Variants in LPIN3 observed in about 807,000 individuals in gnomAD.
LPIN3 encodes lipin 3.
Under a neutral mutation model 94.7 loss-of-function variants are expected in LPIN3, and 82 were observed. The ratio of observed to expected loss-of-function variants is 0.87; its 90% CI spans 0.72 to 1.04. LPIN3 has a LOEUF of 1.04. Among genes scored for constraint, LPIN3 ranks in the 50% least tolerant of loss-of-function variants. The pLI, the probability that LPIN3 is intolerant of heterozygous loss-of-function variation, is 0.00. For missense variants in LPIN3, 996 were observed against 1,090.5 expected (o/e 0.91, Z 1.22); for synonymous variants, 418 against 443.3 (o/e 0.94, Z 0.72).
intron 14 of LPIN3, 48 bp from the exon 15 acceptor site, chr20:41,356,992 T>C: frequency 1.9e-6 from 3 of 1,592,734 alleles, no homozygotes; most frequent in Non-Finnish European, 2.6e-6. Flanking sequence ...AGGTAGGCAG[T>C]GCCTGGCTGT....
chr20:41,351,406 C>G (rs1458057099), intron 7 of LPIN3, among the ~76,000 whole-genome samples: 3 of 150,726 alleles, frequency 2.0e-5, no homozygotes, highest in Admixed American at 6.6e-5. Context: ...AAGTGATTCT[C>G]CTTCCTCAGC....
chr20:41,356,035 G>GT lies in LPIN3; in HGVS notation c.1803+2dup, dbSNP rs777822224. The GT allele has an allele frequency of 6.2e-7, 1 of 1,613,216 alleles. No homozygotes were observed. Among genetic ancestry groups the GT allele is most frequent in the Non-Finnish European group, 8.5e-7 (1 of 1,179,338 alleles). On this transcript the variant is annotated splice_donor_variant, in intron 14 of 19. Transcript: ENST00000373257. LOFTEE classifies it high-confidence loss of function. Reference sequence around the variant, plus strand: ...CCTCCGCCTCTCCTCCGATCAGATCGTAAGTGTGGGTTGTCTGTGTGGAGG... The same window carrying GT: ...CCTCCGCCTCTCCTCCGATCAGATCGTTAAGTGTGGGTTGTCTGTGTGGAGG...
At chr20:41,354,901 C>A in intron 13 of LPIN3, 38 bp downstream of exon 13, 2 of 1,543,404 alleles carry the variant, frequency 1.3e-6, no homozygotes, top group Non-Finnish European at 8.7e-7. Flanking sequence ...GCAGGGGGAG[C>A]CTGGGAAAGA....
Position 41,349,304 on chromosome 20 carries a change from A to G in LPIN3, c.638+132A>G, listed in dbSNP as rs2045911265. 4.1e-6 allele frequency: 3 copies of G among 739,084 alleles called. No individual in the cohort carries two copies. In the South Asian group the frequency reaches 6.3e-5, roughly 15 times the overall value. 45.8% of individuals were successfully genotyped at this position (739,084 alleles called of 1,614,324 possible). ...CTAGCCATTCGTATTTTTCCTTTGT[A>G]AAGAGTTCAAGTCTTTTATTGATTT... On this transcript the variant is annotated intron_variant, in intron 5 of 19. Transcript: ENST00000373257.
chr20:41,358,517 G>A lies in LPIN3; in HGVS notation c.2386G>A (p.Glu796Lys). The change falls in exon 19 of 20, where the codon GAG becomes AAG. Residue 796 changes from glutamate to lysine, a missense_variant. Transcript: ENST00000373257. The stretch of plus-strand genomic sequence containing the variant: ...CAACCCCCGGGGAGAGCTCATCCAG[G>A]AGCTCATAAAGAACCACAAATCCAC... ...TVNPRGELIQ[E>K]LIKNHKSTYE... 1 of 1,614,064 alleles carries A rather than the reference G, an allele frequency of 6.2e-7. No individual in the cohort carries two copies. The highest frequency in any genetic ancestry group is 8.5e-7 in the Non-Finnish European group (1 of 1,180,012).
chr20:41,343,923 ATGG>A (rs1337568352), intron 1 of LPIN3, among the ~76,000 whole-genome samples: 1 of 152,102 alleles, frequency 6.6e-6, no homozygotes, highest in Non-Finnish European at 1.5e-5. Flanking sequence ...TTAGCCAGTT[ATGG>A]TGGTACATGC....
chr20:41,358,306 G>T lies in LPIN3; in HGVS notation c.2262G>T (p.Leu754=). The change falls in exon 18 of 20, where the codon CTG becomes CTT. Residue 754 remains leucine (L), a synonymous_variant. Coordinates refer to ENST00000373257, the MANE Select transcript of LPIN3 (RefSeq NM_022896.3). ...TGAGTGACATCCAGCAGCTGTTTCTGCCCCACGGACAGCCCTTCTATGCTG... is the reference window on the plus strand; with the variant it reads ...TGAGTGACATCCAGCAGCTGTTTCTTCCCCACGGACAGCCCTTCTATGCTG... ...ACLSDIQQLF[L]PHGQPFYAAF... is the part of the protein sequence containing the mutation. 1 of 1,614,140 alleles carries T rather than the reference G, an allele frequency of 6.2e-7. No homozygotes were observed. The highest frequency in any genetic ancestry group is 8.5e-7 in the Non-Finnish European group (1 of 1,180,028).
In LPIN3 at chr20:41,340,838, G is replaced by A. The variant is rs868182048; in HGVS notation, c.-173G>A. 6.6e-6 allele frequency: 1 copy of A among 152,348 alleles called. No homozygotes were observed. Among genetic ancestry groups the A allele is most frequent in the South Asian group, 2.1e-4 (1 of 4,834 alleles). The allele number at this position is 152,348 out of a possible 1,614,324, so 9.4% of individuals were successfully genotyped here. A position where few individuals can be genotyped will look rare whatever the true frequency, so the allele number is the denominator to read the frequency against. On this transcript the variant is annotated 5_prime_UTR_variant, in exon 1 of 20. Transcript: ENST00000373257. ...GCCTGGGCAGATTGGGGCCTGTGGA[G>A]GCCGCACTAGGATCGTAGAAGGAGT...
chr20:41,359,009 G>A lies in LPIN3; in HGVS notation c.*143G>A. 1 of 994,488 alleles carries A rather than the reference G, an allele frequency of 1.0e-6. No homozygotes were observed. Among genetic ancestry groups the A allele is most frequent in the Non-Finnish European group, 1.5e-6 (1 of 678,294 alleles). 61.6% of individuals were successfully genotyped at this position (994,488 alleles called of 1,614,324 possible). The stretch of plus-strand genomic sequence containing the variant: ...GGCTGCAGGTTGGTTGGCAGCTAGA[G>A]AGACTCCCCCATCTTCCCCGTCATA... On this transcript the variant is annotated 3_prime_UTR_variant, in exon 20 of 20. Coordinates refer to ENST00000373257, the MANE Select transcript of LPIN3 (RefSeq NM_022896.3).
In LPIN3 at chr20:41,347,962, C is replaced by T. The variant is rs148634779; in HGVS notation, c.288+315C>T. ...TTCCCCAGGCAGCTTGAAGAGGAGG[C>T]GGGAGCTGAAGAAAGGGGCTGGGAA... On this transcript the variant is annotated intron_variant, in intron 3 of 19. Transcript: ENST00000373257. Among the ~76,000 whole-genome samples the T allele has an allele frequency of 3.1e-3, 472 of 152,248 alleles. 4 individuals are homozygous for T. Among genetic ancestry groups the T allele is most frequent in the African/African-American group, 0.011 (448 of 41,552 alleles).
In LPIN3 at chr20:41,357,146, A is replaced by G; in HGVS notation, c.1910A>G (p.Asp637Gly). ...CKATIYLWKW[D>G]DKVVISDIDG... ...GCCACCATCTACCTGTGGAAATGGG[A>G]CGACAAGGTGGTCATCTCTGACATC... is the stretch of plus-strand genomic sequence containing the variant. The change falls in exon 15 of 20, where the codon GAC becomes GGC. Residue 637 changes from aspartate to glycine, a missense_variant. Physicochemically the swap from Asp to Gly is moderately conservative, Grantham distance 94. Transcript: ENST00000373257. The G allele has an allele frequency of 6.2e-7, 1 of 1,614,136 alleles. No individual in the cohort carries two copies. The highest frequency in any genetic ancestry group is 8.5e-7 in the Non-Finnish European group (1 of 1,180,016).
At position 41,351,904 on chromosome 20, in the gene LPIN3, C is replaced by T. The variant is rs971748478; in HGVS notation, c.1186C>T (p.Leu396Phe). The change falls in exon 8 of 20, where the codon CTT (leucine) becomes TTT (phenylalanine). Residue 396 changes from leucine (L) to phenylalanine (F), a missense_variant. Coordinates refer to ENST00000373257, the MANE Select transcript of LPIN3 (RefSeq NM_022896.3). ...CTCCCTGGACTCTGAGAATGCAGCG[C>T]TTTACTTCCCCCAAAGGTGCCTGGG... Reference protein sequence around the residue: ...LPSLDSENAALYFPQSDSGLG... With the variant: ...LPSLDSENAAFYFPQSDSGLG... The T allele has an allele frequency of 6.2e-7, 1 of 1,614,246 alleles. No individual in the cohort carries two copies.
intron 7 of LPIN3, among the ~76,000 whole-genome samples, chr20:41,350,853 A>G (rs2045983254): frequency 6.6e-6 from 1 of 152,184 alleles, no homozygotes; most frequent in African/African-American, 2.4e-5. Flanking sequence ...GCAGACTCAG[A>G]TGGCTCCAGC....
At chr20:41,356,532 G>A (rs142218196) in intron 14 of LPIN3, among the ~76,000 whole-genome samples, 1 of 152,306 alleles carries the variant, frequency 6.6e-6, no homozygotes, top group East Asian at 1.9e-4. Context: ...CTGGTACCCT[G>A]GAGCTCACAC....
Position 41,348,619 on chromosome 20 carries a change from G to C in LPIN3, c.289G>C (p.Glu97Gln). ...FFVQELESDDEHVPPGLCTSP... is the reference protein window; with the variant it reads ...FFVQELESDDQHVPPGLCTSP... ...CCTCAGTTCTTGGTCTGTTCCACAG[G>C]AACATGTGCCTCCCGGCCTGTGCAC... Residue 97 changes from glutamate to glutamine, a missense_variant and splice_region_variant, in exon 4 of 20, where the codon GAA becomes CAA. By Grantham distance (29) the Glu-to-Gln change is conservative. Coordinates refer to ENST00000373257, the MANE Select transcript of LPIN3 (RefSeq NM_022896.3). 2 of 1,604,880 alleles carry C rather than the reference G, an allele frequency of 1.2e-6. No individual in the cohort carries two copies. The highest frequency in any genetic ancestry group is 1.1e-5 in the South Asian group (1 of 89,694).
Position 41,358,857 on chromosome 20 carries a change from C to A in LPIN3, c.2547C>A (p.Thr849=). 1 of 1,613,884 alleles carries A rather than the reference C, an allele frequency of 6.2e-7. No individual in the cohort carries two copies. Among genetic ancestry groups the A allele is most frequent in the Non-Finnish European group, 8.5e-7 (1 of 1,179,954 alleles). ...REPLPAVDLD[T]LD is the part of the protein sequence containing the mutation. The stretch of plus-strand genomic sequence containing the variant: ...CACTGCCTGCTGTGGACCTTGATAC[C>A]CTGGACTGAACCTGCCCTGGCTGGC... Residue 849 remains threonine, a synonymous_variant, in exon 20 of 20, where the codon ACC becomes ACA. Transcript: ENST00000373257.
At chr20:41,341,778 G>C (rs995363797) in intron 1 of LPIN3, among the ~76,000 whole-genome samples, 40 of 152,278 alleles carry the variant, frequency 2.6e-4, no homozygotes, top group African/African-American at 9.6e-4. Context: ...TCAGGAGATC[G>C]AGACCATCCT....
Position 41,350,331 on chromosome 20 carries a change from T to A in LPIN3, c.1036T>A (p.Trp346Arg). ...GGGCCTCCCTCCTGCCTCCAAGTCA[T>A]GGAGCTGGGCCACTCTGGAGGTTCC... ...DMGLPPASKSWSWATLEVPVP... is the reference protein window; with the variant it reads ...DMGLPPASKSRSWATLEVPVP... Residue 346 changes from tryptophan (W) to arginine (R), a missense_variant, in exon 7 of 20, where the codon TGG becomes AGG. Coordinates refer to ENST00000373257, the MANE Select transcript of LPIN3 (RefSeq NM_022896.3). 1 of 1,610,434 alleles carries A rather than the reference T, an allele frequency of 6.2e-7. No homozygotes were observed. The highest frequency in any genetic ancestry group is 1.1e-5 in the South Asian group (1 of 90,808).
chr20:41,360,043 G>C lies in LPIN3; in HGVS notation c.*1177G>C, dbSNP rs992676889. 6.5e-6 allele frequency: 1 copy of C among 152,722 alleles called. No individual in the cohort carries two copies. Among genetic ancestry groups the C allele is most frequent in the Non-Finnish European group, 1.5e-5 (1 of 68,108 alleles). The allele number at this position is 152,722 out of a possible 1,614,324, so 9.5% of individuals were successfully genotyped here. ...TGGAGGGCAGAATACCAAATGTCCA[G>C]GAACCAAAGGCAGGGCTGTGGGGAC... On this transcript the variant is annotated 3_prime_UTR_variant, in exon 20 of 20. Transcript: ENST00000373257.
Sources: allele counts gnomAD v4.1 joint callset (sites outside exome capture counted in the v4.1 genomes callset), GRCh38; gene constraint gnomAD v4.1.1; transcripts MANE v1.5; gene names NCBI Gene and HGNC (gene_info 2026-07-23, HGNC 2026-07-21).